Variants in PRPF40B observed in about 807,000 individuals in gnomAD.
PRPF40B encodes the protein pre-mRNA-processing factor 40 homolog B.
PRPF40B carries 56 observed loss-of-function variants against 124.5 expected under a neutral mutation model. The observed-to-expected ratio is 0.45, with a 90% CI of 0.36 to 0.56. The LOEUF is 0.56. PRPF40B is among the 20% of genes least tolerant of loss of function. The probability of loss-of-function intolerance (pLI) is 0.00; values close to 1 mark genes in which losing one functional copy is unlikely to be tolerated. For missense variants in PRPF40B, 1,053 were observed against 1,169.5 expected, an observed-to-expected ratio of 0.90 and a Z score of 1.45; for synonymous variants, 443 against 426.4, an observed-to-expected ratio of 1.04 and a Z score of -0.48.
intron 23 of PRPF40B, 63 bp from the exon 24 acceptor site, chr12:49,643,628 G>C: frequency 6.4e-7 from 1 of 1,553,654 alleles, no homozygotes. Flanking sequence ...AGAGGGGCTA[G>C]AACAAAGAAA....
At chr12:49,637,127 C>T (rs1164515763) in intron 16 of PRPF40B, 1 of 584,280 alleles carries the variant, frequency 1.7e-6, no homozygotes, top group African/African-American at 1.9e-5. Context: ...ATGTTTATTT[C>T]CCTTGGTGGG....
chr12:49,628,562 G>GTTT (rs1226851283), intron 1 of PRPF40B, among the ~76,000 whole-genome samples: 6 of 134,976 alleles, frequency 4.4e-5, no homozygotes, highest in Admixed American at 1.5e-4. Flanking sequence ...GCCAGGAACA[G>GTTT]TTTTTTTTTT....
At chr12:49,633,202 A>G in intron 7 of PRPF40B, 78 bp downstream of exon 7, 1 of 1,354,334 alleles carries the variant, frequency 7.4e-7, no homozygotes, top group African/African-American at 1.5e-5. Flanking sequence ...TTAGTCTCTA[A>G]CCATATTCAT....
At position 49,631,379 on chromosome 12, in the gene PRPF40B, C is replaced by A; in HGVS notation, c.85-22C>A. 2 of 1,502,716 alleles carry A rather than the reference C, an allele frequency of 1.3e-6. No homozygotes were observed. Among genetic ancestry groups the A allele is most frequent in the South Asian group, 1.4e-5 (1 of 71,248 alleles). The allele number at this position is 1,502,716 out of a possible 1,614,324, so 93.1% of individuals were successfully genotyped here. A position where few individuals can be genotyped will look rare whatever the true frequency, so the allele number is the denominator to read the frequency against. On this transcript the variant is annotated intron_variant, in intron 2 of 25. Transcript: ENST00000548825. The surrounding 1 kb of genome is among the most constrained non-coding windows in gnomAD (Gnocchi z 4.3). ...AGGCGATGTCTTCCCTGCTCAGTATCTCTTCCTTTACTCATTTCCAGATGC... is the reference window on the plus strand; with the variant it reads ...AGGCGATGTCTTCCCTGCTCAGTATATCTTCCTTTACTCATTTCCAGATGC...
At position 49,644,104 on chromosome 12, in the gene PRPF40B, G is replaced by T; in HGVS notation, c.2591G>T (p.Gly864Val). ...ACTGTGCCTTTGCTCCAACAGACAG[G>T]CTGGGACACGTCAGAAAGTGAGCTG... ...PGFGIKKEKT[G>V]WDTSESELSE... Residue 864 changes from glycine to valine, a missense_variant, in exon 26 of 26, where the codon GGC (glycine) becomes GTC (valine). Gly to Val is a moderately radical substitution (Grantham distance 109). Around this residue, in one of 2 missense-constraint regions of PRPF40B, gnomAD observed 895 missense variants for 1,052.2 expected, o/e 0.85. Transcript: ENST00000548825. 1 of 1,614,196 alleles carries T rather than the reference G, an allele frequency of 6.2e-7. No homozygotes were observed. The highest frequency in any genetic ancestry group is 8.5e-7 in the Non-Finnish European group (1 of 1,180,048).
chr12:49,628,120 C>G lies in PRPF40B; in HGVS notation c.4-2425C>G, dbSNP rs1337479799. ...ATTGATTAGTTTCTGACTTCCCATG[C>G]TGAGGAAAGCGTCAGGGGCAAGAGC... On this transcript the variant is annotated intron_variant, in intron 1 of 25. Transcript: ENST00000548825. Among the ~76,000 whole-genome samples, 4 of 152,242 alleles carry G rather than the reference C, an allele frequency of 2.6e-5. No individual in the cohort carries two copies. The East Asian group carries it at 7.7e-4, about 29-fold the overall frequency.
chr12:49,635,604 TG>T lies in PRPF40B; in HGVS notation c.1275+134del. Reference sequence around the variant, plus strand: ...CCAGCTTCTGACTTGGAAGCTGGTATGGGACTTGCACATCTCATTTCTGCTC... The same window carrying T: ...CCAGCTTCTGACTTGGAAGCTGGTATGGACTTGCACATCTCATTTCTGCTC... On this transcript the variant is annotated intron_variant, in intron 14 of 25. Coordinates refer to ENST00000548825, the MANE Select transcript of PRPF40B (RefSeq NM_001031698.3). The surrounding 1 kb of genome is among the most constrained non-coding windows in gnomAD (Gnocchi z 4.1). 1.0e-6 allele frequency: 1 copy of T among 973,260 alleles called. No individual in the cohort carries two copies. Among genetic ancestry groups the T allele is most frequent in the South Asian group, 1.6e-5 (1 of 60,840 alleles). The allele number at this position is 973,260 out of a possible 1,614,324, so 60.3% of individuals were successfully genotyped here.
Position 49,632,996 on chromosome 12 carries a change from G to GGGGGGCCCCCCCCCC in PRPF40B, c.349-18_349-17insGGGGGCCCCCCCCCC. ...AAAGGGGCCTTGACCACCATTCTGT[G>GGGGGGCCCCCCCCCC]CCCCCCCCCCCACCCAGAGGGCCCT... On this transcript the variant is annotated splice_polypyrimidine_tract_variant and intron_variant, in intron 6 of 25. Transcript: ENST00000548825. 3 of 1,147,398 alleles carry GGGGGGCCCCCCCCCC rather than the reference G, an allele frequency of 2.6e-6. No individual in the cohort carries two copies. The highest frequency in any genetic ancestry group is 3.6e-6 in the Non-Finnish European group (3 of 823,012). The allele number at this position is 1,147,398 out of a possible 1,614,324, so 71.1% of individuals were successfully genotyped here.
intron 6 of PRPF40B, 53 bp from the exon 7 acceptor site, chr12:49,632,961 A>G (rs1941371827): frequency 1.2e-6 from 2 of 1,603,740 alleles, no homozygotes; most frequent in Non-Finnish European, 1.7e-6. Context: ...GGGTGAGGAG[A>G]GGCTTTGGAA....
At position 49,633,407 on chromosome 12, in the gene PRPF40B, C is replaced by A. The variant is rs563323303; in HGVS notation, c.460-20C>A. On this transcript the variant is annotated intron_variant, in intron 7 of 25. Coordinates refer to ENST00000548825, the MANE Select transcript of PRPF40B (RefSeq NM_001031698.3). ...GAACTTGCCCATCCCACTGATGGCT[C>A]CTATCCCATCCACTTGCAGCTGCTC... 3.7e-6 allele frequency: 6 copies of A among 1,614,016 alleles called. No individual in the cohort carries two copies. In the Admixed American group the frequency reaches 5.0e-5, roughly 13 times the overall value.
In PRPF40B at chr12:49,633,479, C is replaced by A. The variant is rs1565831030; in HGVS notation, c.512C>A (p.Pro171His). 1.9e-6 allele frequency: 3 copies of A among 1,614,070 alleles called. No individual in the cohort carries two copies. The Admixed American group carries it at 5.0e-5, about 27-fold the overall frequency. ...GAGTACAAGTCGGACACAGGCAAAC[C>A]TTATTACTATAACAACCAGAGTAAA... ...WKEYKSDTGK[P>H]YYYNNQSKES... is the part of the protein sequence containing the mutation. The change falls in exon 8 of 26, where the codon CCT becomes CAT. Residue 171 changes from proline to histidine, a missense_variant. Pro to His is a moderately conservative substitution (Grantham distance 77, BLOSUM62 -2). Coordinates refer to ENST00000548825, the MANE Select transcript of PRPF40B (RefSeq NM_001031698.3).
In PRPF40B at chr12:49,635,558, C is replaced by T; in HGVS notation, c.1275+85C>T. The T allele has an allele frequency of 7.8e-7, 1 of 1,282,284 alleles. No individual in the cohort carries two copies. 79.4% of individuals were successfully genotyped at this position (1,282,284 alleles called of 1,614,324 possible). ...CTTTGTTATGGACCCTCGCCATTTA[C>T]TTCTCTACTTCCCCAGTGTCCCAGC... On this transcript the variant is annotated intron_variant, in intron 14 of 25. Coordinates refer to ENST00000548825, the MANE Select transcript of PRPF40B (RefSeq NM_001031698.3). This position sits in a 1 kb window ranked among gnomAD's most constrained non-coding sequence, Gnocchi z 4.1.
intron 17 of PRPF40B, 51 bp downstream of exon 17, chr12:49,637,635 CCT>C (rs1942020568): frequency 6.4e-7 from 1 of 1,573,940 alleles, no homozygotes; most frequent in Non-Finnish European, 8.7e-7. Flanking sequence ...GCCCTGCCAG[CCT>C]CTCTGCACCC....
chr12:49,633,329 G>A (rs1941423920), intron 7 of PRPF40B, 98 bp from the exon 8 acceptor site: 1 of 1,520,922 alleles, frequency 6.6e-7, no homozygotes, highest in African/African-American at 1.4e-5. Flanking sequence ...GGTAGCTAAA[G>A]GTTCCTGTGT....
chr12:49,628,898 G>C (rs956408262), intron 1 of PRPF40B, among the ~76,000 whole-genome samples: 1 of 152,188 alleles, frequency 6.6e-6, no homozygotes. Flanking sequence ...GACATGAAGG[G>C]CGTTTTTAAA....
chr12:49,623,956 C>T, intron 1 of PRPF40B: 2 of 1,091,752 alleles, frequency 1.8e-6, no homozygotes, highest in Non-Finnish European at 2.2e-6. Context: ...GGACCAGTTT[C>T]CCCTCCTGGG....
chr12:49,628,595 G>A (rs528524766), intron 1 of PRPF40B, among the ~76,000 whole-genome samples: 7 of 128,856 alleles, frequency 5.4e-5, no homozygotes, highest in African/African-American at 2.1e-4. Flanking sequence ...ACGAAATCTC[G>A]CTCTGTCGCC....
chr12:49,643,644 C>A, intron 23 of PRPF40B, 47 bp from the exon 24 acceptor site: 1 of 1,578,900 alleles, frequency 6.3e-7, no homozygotes, highest in Non-Finnish European at 8.6e-7. Flanking sequence ...AGAAAAAGAG[C>A]CTGTCTTTCT....
Position 49,633,001 on chromosome 12 carries a change from C to T in PRPF40B, c.349-13C>T, listed in dbSNP as rs757857705. 4 of 518,624 alleles carry T rather than the reference C, an allele frequency of 7.7e-6. No individual in the cohort carries two copies. The highest frequency in any genetic ancestry group is 6.0e-5 in the East Asian group (1 of 16,788). The allele number at this position is 518,624 out of a possible 1,614,324, so 32.1% of individuals were successfully genotyped here. A position where few individuals can be genotyped will look rare whatever the true frequency, so the allele number is the denominator to read the frequency against. On this transcript the variant is annotated splice_polypyrimidine_tract_variant and intron_variant, in intron 6 of 25. Transcript: ENST00000548825. ...GGCCTTGACCACCATTCTGTGCCCCCCCCCCCACCCAGAGGGCCCTATGGA... is the reference window on the plus strand; with the variant it reads ...GGCCTTGACCACCATTCTGTGCCCCTCCCCCCACCCAGAGGGCCCTATGGA...
Sources: allele counts gnomAD v4.1 joint callset (sites outside exome capture counted in the v4.1 genomes callset), GRCh38; gene constraint gnomAD v4.1.1; regional missense constraint gnomAD v4.1.1; non-coding constraint Gnocchi (gnomAD v3.1); transcripts MANE v1.5; gene names NCBI Gene and HGNC (gene_info 2026-07-23, HGNC 2026-07-21).